Variants in CGNL1 observed in about 807,000 individuals in gnomAD.
CGNL1 encodes cingulin-like protein 1.
In CGNL1, 132 loss-of-function variants were observed where a neutral mutation model predicts 141.2. The observed-to-expected ratio is 0.93, with a 90% CI of 0.81 to 1.08. The LOEUF is 1.08. CGNL1 is among the 50% of genes least tolerant of loss of function. CGNL1 has a pLI of 0.00. For synonymous variants in CGNL1, 690 were observed against 622.1 expected, an observed-to-expected ratio of 1.11 and a Z score of -1.63; for missense variants, 1,870 against 1,588.6, an observed-to-expected ratio of 1.18 and a Z score of -3.01.
At chr15:57,467,189 G>C (rs2063520383) in intron 8 of CGNL1, among the ~76,000 whole-genome samples, 1 of 152,142 alleles carries the variant, frequency 6.6e-6, no homozygotes, top group South Asian at 2.1e-4. Flanking sequence ...GAGATTGAAG[G>C]GGAGATATGT....
intron 8 of CGNL1, among the ~76,000 whole-genome samples, chr15:57,479,400 A>C (rs1394104717): frequency 6.6e-6 from 1 of 152,222 alleles, no homozygotes; most frequent in Non-Finnish European, 1.5e-5. Context: ...ATGGTGGCTC[A>C]TGCCTATAAT....
chr15:57,515,837 C>T (rs1001614538), intron 8 of CGNL1, among the ~76,000 whole-genome samples: 9 of 151,974 alleles, frequency 5.9e-5, no homozygotes, highest in East Asian at 1.9e-4. Context: ...ATCTGTACTC[C>T]GAAGCTGCCC....
At position 57,414,661 on chromosome 15, in the gene CGNL1, A is replaced by AAACAACAAC. The variant is rs10527352; in HGVS notation, c.-15-23312_-15-23304dup. Reference sequence around the variant, plus strand: ...TGTTCCTCACACTTTTTTAAAACCAAAACAACAACAACAACAACAAACCAA... The same window carrying AAACAACAAC: ...TGTTCCTCACACTTTTTTAAAACCAAAACAACAACAACAACAACAACAACAACAAACCAA... On this transcript the variant is annotated intron_variant, in intron 1 of 18. Coordinates refer to ENST00000281282, the MANE Select transcript of CGNL1 (RefSeq NM_032866.5). Among the ~76,000 whole-genome samples, 1,495 of 151,334 alleles carry AAACAACAAC rather than the reference A, an allele frequency of 9.9e-3. 23 individuals are homozygous for AAACAACAAC. The highest frequency in any genetic ancestry group is 0.048 in the Middle Eastern group (14 of 294).
chr15:57,438,773 TGCCCACA>T lies in CGNL1; in HGVS notation c.782_788del (p.Ser261MetfsTer94). ...TTTTCACTAGCGGGAGGCCCCTGACTGCCCACAGCCCACATGCCCACCCTGAAACCAA... is the reference window on the plus strand; with the variant it reads ...TTTTCACTAGCGGGAGGCCCCTGACTGCCCACATGCCCACCCTGAAACCAA... On this transcript the variant is annotated frameshift_variant, in exon 2 of 19. Transcript: ENST00000281282. LOFTEE classifies it high-confidence loss of function. The T allele has an allele frequency of 6.2e-7, 1 of 1,614,154 alleles. No individual in the cohort carries two copies. Among genetic ancestry groups the T allele is most frequent in the Non-Finnish European group, 8.5e-7 (1 of 1,180,020 alleles).
At chr15:57,490,883 C>T (rs1371140573) in intron 8 of CGNL1, among the ~76,000 whole-genome samples, 1 of 152,132 alleles carries the variant, frequency 6.6e-6, no homozygotes, top group Non-Finnish European at 1.5e-5. Flanking sequence ...GACACTTTAC[C>T]TTCATGGTCT....
intron 14 of CGNL1, among the ~76,000 whole-genome samples, chr15:57,532,639 A>G (rs2032015905): frequency 6.6e-6 from 1 of 152,236 alleles, no homozygotes; most frequent in Non-Finnish European, 1.5e-5. Context: ...AAAAGCATTC[A>G]CTTGGAAAGT....
intron 8 of CGNL1, among the ~76,000 whole-genome samples, chr15:57,507,407 A>T: frequency 6.6e-6 from 1 of 152,194 alleles, no homozygotes; most frequent in Admixed American, 6.5e-5. Flanking sequence ...TCTGAGAGTG[A>T]ATCTTAACTA....
chr15:57,545,467 C>T, intron 16 of CGNL1, 125 bp from the exon 17 acceptor site: 1 of 725,310 alleles, frequency 1.4e-6, no homozygotes, highest in South Asian at 1.8e-5. Flanking sequence ...GTTGTGTTTC[C>T]CTGACCCTAA....
intron 8 of CGNL1, among the ~76,000 whole-genome samples, chr15:57,492,016 T>A (rs1415483613): frequency 6.6e-6 from 1 of 152,120 alleles, no homozygotes; most frequent in African/African-American, 2.4e-5. Context: ...CTGAATGGGA[T>A]CAAGAGCTGG....
chr15:57,515,802 C>T (rs1447191371), intron 8 of CGNL1, among the ~76,000 whole-genome samples: 1 of 152,070 alleles, frequency 6.6e-6, no homozygotes, highest in Non-Finnish European at 1.5e-5. Flanking sequence ...ATTTAAATTT[C>T]TGTTTTATAT....
At chr15:57,513,567 C>G (rs1368370542) in intron 8 of CGNL1, among the ~76,000 whole-genome samples, 1 of 152,062 alleles carries the variant, frequency 6.6e-6, no homozygotes, top group African/African-American at 2.4e-5. Flanking sequence ...GTCGCCCAGC[C>G]TGGAGTGCAA....
chr15:57,515,279 T>C (rs1033106632), intron 8 of CGNL1, among the ~76,000 whole-genome samples: 1 of 152,252 alleles, frequency 6.6e-6, no homozygotes, highest in Non-Finnish European at 1.5e-5. Context: ...TTGGCTCCGA[T>C]GGGCTTTCTC....
intron 1 of CGNL1, among the ~76,000 whole-genome samples, chr15:57,380,835 C>T (rs1344459638): frequency 6.6e-6 from 1 of 152,182 alleles, no homozygotes; most frequent in South Asian, 2.1e-4. Flanking sequence ...GTAAAGTAAG[C>T]TTAGTAGCGG....
At chr15:57,483,646 A>G (rs1310961854) in intron 8 of CGNL1, among the ~76,000 whole-genome samples, 7 of 152,022 alleles carry the variant, frequency 4.6e-5, no homozygotes, top group African/African-American at 1.7e-4. Flanking sequence ...CTCCAATACT[A>G]TGTTGAATCA....
Position 57,545,702 on chromosome 15 carries a change from T to A in CGNL1, c.3609+2T>A. 1 of 1,609,446 alleles carries A rather than the reference T, an allele frequency of 6.2e-7. No individual in the cohort carries two copies. The highest frequency in any genetic ancestry group is 8.5e-7 in the Non-Finnish European group (1 of 1,177,320). On this transcript the variant is annotated splice_donor_variant, in intron 17 of 18. Coordinates refer to ENST00000281282, the MANE Select transcript of CGNL1 (RefSeq NM_032866.5). LOFTEE classifies it high-confidence loss of function. ...TCATTGACTGATCAGAAGGACCAGG[T>A]GGGGAGCCTCTGCGTGCATTTGCTC...
chr15:57,433,770 G>A (rs997537772), intron 1 of CGNL1, among the ~76,000 whole-genome samples: 1 of 152,216 alleles, frequency 6.6e-6, no homozygotes, highest in Non-Finnish European at 1.5e-5. Context: ...ACTGATGACA[G>A]CTGGGAGCTT....
intron 10 of CGNL1, among the ~76,000 whole-genome samples, chr15:57,519,128 C>T (rs1024581778): frequency 6.6e-6 from 1 of 152,204 alleles, no homozygotes; most frequent in African/African-American, 2.4e-5. Flanking sequence ...GAAGTACATT[C>T]TCAAGAAAGG....
At chr15:57,507,410 C>A (rs2152395442) in intron 8 of CGNL1, among the ~76,000 whole-genome samples, 1 of 152,210 alleles carries the variant, frequency 6.6e-6, no homozygotes, top group South Asian at 2.1e-4. Context: ...GAGAGTGAAT[C>A]TTAACTAGTT....
At chr15:57,420,174 A>G (rs1407813193) in intron 1 of CGNL1, among the ~76,000 whole-genome samples, 1 of 152,134 alleles carries the variant, frequency 6.6e-6, no homozygotes, top group East Asian at 1.9e-4. Context: ...TAGTCTTAGA[A>G]GAATAAGCCA....
Sources: allele counts gnomAD v4.1 joint callset (sites outside exome capture counted in the v4.1 genomes callset), GRCh38; gene constraint gnomAD v4.1.1; transcripts MANE v1.5; gene names NCBI Gene and HGNC (gene_info 2026-07-23, HGNC 2026-07-21).